The following PLD5 variants were observed in gnomAD, a reference collection of about 807,000 sequenced individuals.
The protein encoded by PLD5 is inactive phospholipase D5.
A neutral mutation model predicts 61.1 loss-of-function variants in PLD5; 36 were observed. The observed-to-expected ratio is 0.59, with a 90% CI of 0.45 to 0.78. PLD5 has a LOEUF of 0.78. Among genes scored for constraint, PLD5 ranks in the 30% least tolerant of loss-of-function variants. PLD5 has a pLI of 0.00. For synonymous variants in PLD5, 243 were observed against 242.8 expected, an observed-to-expected ratio of 1.00 and a Z score of -0.01; for missense variants, 515 against 644.4, an observed-to-expected ratio of 0.80 and a Z score of 2.17.
At chr1:242,380,662 C>T (rs1373511031) in intron 1 of PLD5, among the ~76,000 whole-genome samples, 1 of 148,694 alleles carries the variant, frequency 6.7e-6, no homozygotes, top group Non-Finnish European at 1.5e-5. Flanking sequence ...TGACAAAGGG[C>T]TAATATCCAG....
intron 1 of PLD5, among the ~76,000 whole-genome samples, chr1:242,436,752 T>C (rs1405619793): frequency 6.6e-6 from 1 of 152,244 alleles, no homozygotes; most frequent in African/African-American, 2.4e-5. Flanking sequence ...GTCTTGTCAC[T>C]GCCTTAGTGT....
At chr1:242,360,303 G>T in intron 1 of PLD5, among the ~76,000 whole-genome samples, 1 of 151,524 alleles carries the variant, frequency 6.6e-6, no homozygotes, top group Non-Finnish European at 1.5e-5. Context: ...ACATTAAAAG[G>T]ATCATGATAA....
chr1:242,456,517 G>A (rs1666949174), intron 1 of PLD5, among the ~76,000 whole-genome samples: 1 of 152,148 alleles, frequency 6.6e-6, no homozygotes, highest in African/African-American at 2.4e-5. Flanking sequence ...TAAAGTGACT[G>A]AAACACCTGC....
At chr1:242,383,398 A>G (rs1204944758) in intron 1 of PLD5, among the ~76,000 whole-genome samples, 1 of 151,998 alleles carries the variant, frequency 6.6e-6, no homozygotes, top group East Asian at 1.9e-4. Context: ...TCATTTTTAT[A>G]TCAAAACCCC....
chr1:242,451,933 C>T (rs766968606), intron 1 of PLD5, among the ~76,000 whole-genome samples: 3 of 152,170 alleles, frequency 2.0e-5, no homozygotes, highest in Non-Finnish European at 4.4e-5. Flanking sequence ...AGTCACCGTG[C>T]TCACCAATAC....
chr1:242,245,886 C>A (rs1672325669), intron 4 of PLD5, among the ~76,000 whole-genome samples: 1 of 152,138 alleles, frequency 6.6e-6, no homozygotes. Context: ...AAAGTGAACT[C>A]ACAGCCCCCC....
At position 242,088,676 on chromosome 1, in the gene PLD5, C is replaced by G. The variant is rs1365118211; in HGVS notation, c.*1178G>C. On this transcript the variant is annotated 3_prime_UTR_variant, in exon 10 of 10. Coordinates refer to ENST00000536534, the MANE Select transcript of PLD5 (RefSeq NM_001372062.1). ...GAGGCCATGCCTCTCCCTAGTGTAG[C>G]AATGGTCTCCATTAATACAGGGGTA... 6.6e-6 allele frequency: 1 copy of G among 152,108 alleles called. No individual in the cohort carries two copies. Among genetic ancestry groups the G allele is most frequent in the African/African-American group, 2.4e-5 (1 of 41,406 alleles). 9.4% of individuals were successfully genotyped at this position (152,108 alleles called of 1,614,324 possible).
At chr1:242,148,941 T>G (rs1664732217) in intron 5 of PLD5, among the ~76,000 whole-genome samples, 1 of 146,930 alleles carries the variant, frequency 6.8e-6, no homozygotes, top group Non-Finnish European at 1.5e-5. Context: ...AATTTTTACA[T>G]AATCATGTCA....
intron 1 of PLD5, among the ~76,000 whole-genome samples, chr1:242,463,505 C>A (rs1024963968): frequency 3.3e-5 from 5 of 152,212 alleles, no homozygotes; most frequent in African/African-American, 1.2e-4. Context: ...ATTTCACACT[C>A]CTTGACCTCT....
At chr1:242,295,996 G>T (rs1675632258) in intron 2 of PLD5, among the ~76,000 whole-genome samples, 1 of 152,176 alleles carries the variant, frequency 6.6e-6, no homozygotes, top group Non-Finnish European at 1.5e-5. Context: ...ACAAAACACA[G>T]CTCTGCCAGT....
chr1:242,208,458 A>C (rs2148976826), intron 5 of PLD5, among the ~76,000 whole-genome samples: 1 of 152,156 alleles, frequency 6.6e-6, no homozygotes, highest in East Asian at 1.9e-4. Context: ...TCTCTGTCTT[A>C]GGCAGTGCAG....
At chr1:242,377,469 A>G (rs1351264652) in intron 1 of PLD5, 3 of 706,666 alleles carry the variant, frequency 4.2e-6, no homozygotes, top group Admixed American at 4.9e-5. Context: ...CATTTCTTTA[A>G]TTCTTTAATA....
intron 8 of PLD5, among the ~76,000 whole-genome samples, chr1:242,103,575 T>G (rs1660840440): frequency 6.6e-6 from 1 of 152,180 alleles, no homozygotes; most frequent in Non-Finnish European, 1.5e-5. Flanking sequence ...AGTTCTCTTG[T>G]CTGTGAAAAG....
intron 5 of PLD5, among the ~76,000 whole-genome samples, chr1:242,137,775 G>A (rs1349002653): frequency 6.6e-6 from 1 of 152,076 alleles, no homozygotes; most frequent in African/African-American, 2.4e-5. Flanking sequence ...AATACCAATG[G>A]CAGAGAAAGC....
chr1:242,358,560 C>A (rs1001010452), intron 1 of PLD5, among the ~76,000 whole-genome samples: 2 of 151,390 alleles, frequency 1.3e-5, no homozygotes, highest in African/African-American at 4.9e-5. Flanking sequence ...GCAAGACCAC[C>A]AGCTAAGCCC....
intron 5 of PLD5, among the ~76,000 whole-genome samples, chr1:242,148,851 A>T (rs1664721930): frequency 1.3e-5 from 2 of 151,898 alleles, no homozygotes; most frequent in Non-Finnish European, 1.5e-5. Flanking sequence ...CAGAAACATT[A>T]ATTTTTGTAT....
chr1:242,424,941 G>T (rs905931292), intron 1 of PLD5, among the ~76,000 whole-genome samples: 1 of 152,166 alleles, frequency 6.6e-6, no homozygotes, highest in African/African-American at 2.4e-5. Flanking sequence ...AGACCAGCCT[G>T]GCCAAGATGG....
intron 5 of PLD5, among the ~76,000 whole-genome samples, chr1:242,211,590 C>T (rs772630611): frequency 1.3e-5 from 2 of 152,166 alleles, no homozygotes; most frequent in Non-Finnish European, 2.9e-5. Flanking sequence ...CGCCCCCTGG[C>T]CTGCTCTTTC....
intron 1 of PLD5, among the ~76,000 whole-genome samples, chr1:242,508,567 T>C (rs1364500340): frequency 6.6e-6 from 1 of 152,188 alleles, no homozygotes; most frequent in Non-Finnish European, 1.5e-5. Context: ...CTAAGGTCAG[T>C]ACATTCACCA....
Sources: gnomAD v4.1 joint callset for allele counts (sites outside exome capture counted in the v4.1 genomes callset) on GRCh38, gnomAD v4.1.1 for gene constraint, MANE v1.5 for transcripts, NCBI Gene and HGNC (gene_info 2026-07-23, HGNC 2026-07-21) for gene names.